TTN: variants seen among roughly 807,000 people sequenced by gnomAD.
The protein encoded by TTN is titin.
Under a neutral mutation model 3,223.0 loss-of-function variants are expected in TTN, and 1,525 were observed. The observed-to-expected ratio is 0.47, with a 90% confidence interval of 0.45 to 0.49. TTN has a LOEUF of 0.49. Among genes scored for constraint, TTN ranks in the 20% least tolerant of loss-of-function variants. The pLI, the probability that TTN is intolerant of heterozygous loss-of-function variation, is 0.00. For synonymous variants in TTN, 14,094 were observed against 15,161.0 expected, an observed-to-expected ratio of 0.93 and a Z score of 5.17; for missense variants, 40,786 against 43,424.0, an observed-to-expected ratio of 0.94 and a Z score of 5.40.
In TTN at chr2:178,597,666, A is replaced by G. The variant is rs727503591; in HGVS notation, c.57416T>C (p.Ile19139Thr). Residue 19139 changes from isoleucine to threonine, a missense_variant, in exon 294 of 363, where the codon ATT becomes ACT. Ile to Thr is a moderately conservative substitution (Grantham distance 89). Transcript: ENST00000589042. ...NERTLPQEAT[I>T]ETTAISSSMV... ...GGATGAGCTAATGGCTGTGGTCTCA[A>G]TGGTGGCTTCTTGAGGTAAGGTTCT... The G allele has an allele frequency of 3.6e-5, 58 of 1,613,214 alleles. No individual in the cohort carries two copies. Among genetic ancestry groups the G allele is most frequent in the Non-Finnish European group, 4.6e-5 (54 of 1,179,550 alleles).
In TTN at chr2:178,553,355, CAG is replaced by C; in HGVS notation, c.89543_89544del (p.Ser29848CysfsTer7). On this transcript the variant is annotated frameshift_variant, in exon 335 of 363. Transcript: ENST00000589042. LOFTEE classifies it high-confidence loss of function. ...EIDLDVALRT[S>X]VIAKAGEDVQ... ...ACATCTTCACCAGCTTTGGCAATAA[CAG>C]AAGTTCTGAGAGCCACATCCAGGTC... 6.2e-7 allele frequency: 1 copy of C among 1,600,316 alleles called. No homozygotes were observed. The highest frequency in any genetic ancestry group is 8.5e-7 in the Non-Finnish European group (1 of 1,175,150).
chr2:178,610,356 C>T lies in TTN; in HGVS notation c.51170G>A (p.Ser17057Asn). ...LPGPCKDIKASDITKSSCKLT... is the reference protein window; with the variant it reads ...LPGPCKDIKANDITKSSCKLT... ...CTTACAAGAACTCTTGGTAATGTCA[C>T]TTGCTTTAATATCTTTGCATGGTCC... The change falls in exon 271 of 363, where the codon AGT becomes AAT. Residue 17057 changes from serine to asparagine, a missense_variant. Physicochemically the swap from Ser to Asn is conservative, Grantham distance 46 (BLOSUM62 1). Coordinates refer to ENST00000589042, the MANE Select transcript of TTN (RefSeq NM_001267550.2). The T allele has an allele frequency of 6.2e-7, 1 of 1,612,702 alleles. No homozygotes were observed. Among genetic ancestry groups the T allele is most frequent in the Non-Finnish European group, 8.5e-7 (1 of 1,179,146 alleles).
rs1114167326 is a variant in TTN at position 178,636,085 on chromosome 2, C to G, written c.41486G>C (p.Gly13829Ala). The change falls in exon 226 of 363, where the codon GGC (glycine) becomes GCC (alanine). Residue 13829 changes from glycine to alanine, a missense_variant. Transcript: ENST00000589042. The surrounding 1 kb of genome is among the most constrained non-coding windows in gnomAD (Gnocchi z 4.3). ...CAGAGCCCGCATCAAGCCAATGACG[C>G]CTGGCACAATTCGGCCAGGTTTCTC... ...VVEKPGRIVP[G>A]VIGLMRALTI... 6.2e-7 allele frequency: 1 copy of G among 1,613,252 alleles called. No individual in the cohort carries two copies. Among genetic ancestry groups the G allele is most frequent in the Non-Finnish European group, 8.5e-7 (1 of 1,179,522 alleles).
At chr2:178,679,578 C>T (rs373738232) in intron 141 of TTN, 21 bp downstream of exon 141, 93 of 1,605,442 alleles carry the variant, frequency 5.8e-5, no homozygotes, top group Middle Eastern at 1.6e-4. Flanking sequence ...CTTAGATACC[C>T]GTCAATGAAT....
Position 178,618,258 on chromosome 2 carries a change from C to T in TTN, c.47200G>A (p.Ala15734Thr), listed in dbSNP as rs749729941. The change falls in exon 252 of 363, where the codon GCA becomes ACA. Residue 15734 changes from alanine (A) to threonine (T), a missense_variant. Coordinates refer to ENST00000589042, the MANE Select transcript of TTN (RefSeq NM_001267550.2). ...GGVEYLFRVS[A>T]RNRVGTGEPV... is the part of the protein sequence containing the mutation. Reference sequence around the variant, plus strand: ...TCACCAGTGCCAACTCTGTTTCTTGCACTCACACGGAATAGGTACTCAACT... The same window carrying T: ...TCACCAGTGCCAACTCTGTTTCTTGTACTCACACGGAATAGGTACTCAACT... The T allele has an allele frequency of 1.2e-6, 2 of 1,612,820 alleles. No individual in the cohort carries two copies. Among genetic ancestry groups the T allele is most frequent in the Admixed American group, 1.7e-5 (1 of 59,936 alleles).
chr2:178,678,401 T>C lies in TTN; in HGVS notation c.33910+13A>G. On this transcript the variant is annotated intron_variant, in intron 144 of 362. Coordinates refer to ENST00000589042, the MANE Select transcript of TTN (RefSeq NM_001267550.2). ...TTTTTCCCCCAAGTACTCTAAGTGATGAAATTATGTACCTTTTGCAGGTGG... is the reference window on the plus strand; with the variant it reads ...TTTTTCCCCCAAGTACTCTAAGTGACGAAATTATGTACCTTTTGCAGGTGG... 1 of 1,575,584 alleles carries C rather than the reference T, an allele frequency of 6.3e-7. No homozygotes were observed. Among genetic ancestry groups the C allele is most frequent in the Non-Finnish European group, 8.6e-7 (1 of 1,160,312 alleles).
intron 127 of TTN, 147 bp from the exon 128 acceptor site, chr2:178,685,745 A>T: frequency 2.8e-6 from 2 of 718,790 alleles, no homozygotes; most frequent in Non-Finnish European, 4.6e-6. Context: ...AAATACTCAA[A>T]GAGCATTTTA....
Position 178,548,295 on chromosome 2 carries a change from T to C in TTN, c.93331A>G (p.Thr31111Ala). Residue 31111 changes from threonine (T) to alanine (A), a missense_variant, in exon 339 of 363, where the codon ACA (threonine) becomes GCA (alanine). Coordinates refer to ENST00000589042, the MANE Select transcript of TTN (RefSeq NM_001267550.2). This position sits in a 1 kb window ranked among gnomAD's most constrained non-coding sequence, Gnocchi z 4.3. Reference protein sequence around the residue: ...PYEMPEPIVATEQPAPPRRLD... With the variant: ...PYEMPEPIVAAEQPAPPRRLD... ...CTCCTAGGTGGAGCAGGCTGTTCTG[T>C]GGCTACAATTGGTTCTGGCATTTCA... 6.2e-7 allele frequency: 1 copy of C among 1,613,898 alleles called. No individual in the cohort carries two copies. Among genetic ancestry groups the C allele is most frequent in the Non-Finnish European group, 8.5e-7 (1 of 1,179,822 alleles).
intron 350 of TTN, among the ~76,000 whole-genome samples, chr2:178,540,884 T>C (rs1694130559): frequency 6.6e-6 from 1 of 152,210 alleles, no homozygotes; most frequent in South Asian, 2.1e-4. Flanking sequence ...CACTTTCCTT[T>C]CTCTTAAATG....
rs563090275 is a variant in TTN at position 178,601,484 on chromosome 2, C to T, written c.55513G>A (p.Asp18505Asn). Residue 18505 changes from aspartate (D) to asparagine (N), a missense_variant, in exon 287 of 363, where the codon GAC becomes AAC. Coordinates refer to ENST00000589042, the MANE Select transcript of TTN (RefSeq NM_001267550.2). The part of the protein sequence containing the change: ...SCRLSWKMPD[D>N]DGGDRIKGYV... The stretch of plus-strand genomic sequence containing the variant: ...CCTTTGATCCTGTCTCCTCCATCGT[C>T]GTCTGGCATCTTCCATGAAAGTCTG... 10 of 1,612,984 alleles carry T rather than the reference C, an allele frequency of 6.2e-6. No homozygotes were observed. Among genetic ancestry groups the T allele is most frequent in the Admixed American group, 5.0e-5 (3 of 59,958 alleles).
intron 47 of TTN, chr2:178,749,831 A>T (rs1277093876): frequency 1.2e-6 from 2 of 1,613,102 alleles, no homozygotes; most frequent in Non-Finnish European, 1.7e-6. Context: ...AAACCATGTT[A>T]CAACTGGCTG....
chr2:178,601,719 G>A lies in TTN; in HGVS notation c.55371C>T (p.Tyr18457=). ...CTGCTTTATTCTTGGCTGTGATGCT[G>A]TATTTGCCTGTATGAGATCGTTTAC... The part of the protein sequence containing the change: ...PECKRSHTGK[Y]SITAKNKAGQ... The change falls in exon 286 of 363, where the codon TAC becomes TAT. Residue 18457 remains tyrosine, a synonymous_variant. Coordinates refer to ENST00000589042, the MANE Select transcript of TTN (RefSeq NM_001267550.2). 6.2e-7 allele frequency: 1 copy of A among 1,610,420 alleles called. No individual in the cohort carries two copies. Among genetic ancestry groups the A allele is most frequent in the Non-Finnish European group, 8.5e-7 (1 of 1,178,768 alleles).
Position 178,652,394 on chromosome 2 carries a change from T to C in TTN, c.39128-47A>G, listed in dbSNP as rs867151882. On this transcript the variant is annotated intron_variant, in intron 202 of 362. Coordinates refer to ENST00000589042, the MANE Select transcript of TTN (RefSeq NM_001267550.2). ...TACATTTAGGCATTATGAAGACCAC[T>C]AGAAAAATACTTTCCAGAGCAGAAG... 35 of 1,613,200 alleles carry C rather than the reference T, an allele frequency of 2.2e-5. No individual in the cohort carries two copies. The Middle Eastern group carries it at 8.2e-4, about 38-fold the overall frequency.
In TTN at chr2:178,779,658, T is replaced by C. The variant is rs566007899; in HGVS notation, c.3730-196A>G. On this transcript the variant is annotated intron_variant, in intron 22 of 362. Coordinates refer to ENST00000589042, the MANE Select transcript of TTN (RefSeq NM_001267550.2). The stretch of plus-strand genomic sequence containing the variant: ...TTGTGGCATCTTGGGTAGAAAGGTA[T>C]TCCAAAAGCAGGAGTTAGATTTGGG... Among the ~76,000 whole-genome samples, 3 of 152,310 alleles carry C rather than the reference T, an allele frequency of 2.0e-5. No homozygotes were observed. In the East Asian group the frequency reaches 5.8e-4, roughly 29 times the overall value.
chr2:178,554,679 C>T lies in TTN; in HGVS notation c.88668G>A (p.Arg29556=). 1.9e-6 allele frequency: 3 copies of T among 1,613,874 alleles called. No homozygotes were observed. The highest frequency in any genetic ancestry group is 2.5e-6 in the Non-Finnish European group (3 of 1,179,838). Residue 29556 remains arginine (R), a synonymous_variant, in exon 332 of 363, where the codon CGG becomes CGA. Coordinates refer to ENST00000589042, the MANE Select transcript of TTN (RefSeq NM_001267550.2). The part of the protein sequence containing the change: ...VTAEKITLLW[R]PPADDGGAKI... ...TTGCACCACCATCATCAGCTGGAGG[C>T]CGCCAGAGAAGGGTGATCTTCTCAG...
Position 178,681,175 on chromosome 2 carries a change from T to A in TTN, c.33248-4A>T. The A allele has an allele frequency of 6.3e-7, 1 of 1,595,010 alleles. No homozygotes were observed. The highest frequency in any genetic ancestry group is 8.5e-7 in the Non-Finnish European group (1 of 1,172,622). On this transcript the variant is annotated splice_region_variant and splice_polypyrimidine_tract_variant and intron_variant, in intron 137 of 362. Coordinates refer to ENST00000589042, the MANE Select transcript of TTN (RefSeq NM_001267550.2). ...ACTTTCTTTGGTTCTTCAGGCACTT[T>A]AAAGATATTAATTATTAAAGAGCAT...
rs757435628 is a variant in TTN at position 178,534,100 on chromosome 2, A to G, written c.102515T>C (p.Phe34172Ser). Residue 34172 changes from phenylalanine (F) to serine (S), a missense_variant, in exon 358 of 363, where the codon TTT (phenylalanine) becomes TCT (serine). Phe to Ser is a radical substitution (Grantham distance 155, BLOSUM62 -2). Transcript: ENST00000589042. ...ACTGTTCTCCAGCTGTCGGACGCCAAAGTACCAAGTCACTTGGGTAGACTG... is the reference window on the plus strand; with the variant it reads ...ACTGTTCTCCAGCTGTCGGACGCCAGAGTACCAAGTCACTTGGGTAGACTG... Reference protein sequence around the residue: ...YDQSTQVTWYFGVRQLENSEK... With the variant: ...YDQSTQVTWYSGVRQLENSEK... 4 of 1,613,924 alleles carry G rather than the reference A, an allele frequency of 2.5e-6. No individual in the cohort carries two copies. The highest frequency in any genetic ancestry group is 1.3e-5 in the African/African-American group (1 of 75,038).
rs755953829 is a variant in TTN at position 178,557,373 on chromosome 2, A to G, written c.87889T>C (p.Phe29297Leu). The G allele has an allele frequency of 1.2e-6, 2 of 1,613,966 alleles. No homozygotes were observed. Among genetic ancestry groups the G allele is most frequent in the Admixed American group, 3.3e-5 (2 of 60,024 alleles). ...CCAGCACTGATTGTTGTGACTTTGA[A>G]GTGAGTTGTGCGGATGACCAGTTTG... The part of the protein sequence containing the change: ...ANKLVIRTTH[F>L]KVTTISAGLI... Residue 29297 changes from phenylalanine (F) to leucine (L), a missense_variant, in exon 329 of 363, where the codon TTC (phenylalanine) becomes CTC (leucine). Transcript: ENST00000589042.
chr2:178,693,461 C>T (rs758029234), intron 119 of TTN, 148 bp downstream of exon 119: 27 of 508,768 alleles, frequency 5.3e-5, no homozygotes, highest in Non-Finnish European at 8.2e-5. Context: ...TGGTTCTTCC[C>T]GTCCCCCATC....
Sources: gnomAD v4.1 joint callset for allele counts (sites outside exome capture counted in the v4.1 genomes callset) on GRCh38, gnomAD v4.1.1 for gene constraint, Gnocchi (gnomAD v3.1) non-coding constraint, MANE v1.5 for transcripts, NCBI Gene and HGNC (gene_info 2026-07-23, HGNC 2026-07-21) for gene names.